The following ITGB3BP variants were observed in gnomAD, a reference collection of about 807,000 sequenced individuals.
The protein encoded by ITGB3BP is integrin subunit beta 3 binding protein, also known as centromere protein R.
In ITGB3BP, 27 loss-of-function variants were observed where a neutral mutation model predicts 29.1. That is an observed-to-expected ratio of 0.93 (90% confidence interval 0.68 to 1.28). The LOEUF (loss-of-function observed/expected upper bound fraction) is 1.28. Ranked by LOEUF, ITGB3BP falls within the 50% of genes most tolerant of loss-of-function variation. ITGB3BP has a pLI of 0.00. For missense variants in ITGB3BP, 192 were observed against 200.2 expected, an observed-to-expected ratio of 0.96 and a Z score of 0.25; for synonymous variants, 61 against 61.4, an observed-to-expected ratio of 0.99 and a Z score of 0.03.
chr1:63,460,569 T>A (rs910635523), intron 4 of ITGB3BP, among the ~76,000 whole-genome samples: 1 of 152,232 alleles, frequency 6.6e-6, no homozygotes, highest in African/African-American at 2.4e-5. Flanking sequence ...GGTTGTTTCC[T>A]GTCTTTTGGT....
Position 63,454,013 on chromosome 1 carries a change from G to C in ITGB3BP, c.428-39C>G. Reference sequence around the variant, plus strand: ...AAATCCCATGTCAAGAATTAACATAGAATATGGATAATTTCTCAATACTTG... The same window carrying C: ...AAATCCCATGTCAAGAATTAACATACAATATGGATAATTTCTCAATACTTG... On this transcript the variant is annotated intron_variant, in intron 6 of 8. Transcript: ENST00000271002. This position sits in a 1 kb window ranked among gnomAD's most constrained non-coding sequence, Gnocchi z 4.1. The C allele has an allele frequency of 8.6e-7, 1 of 1,165,912 alleles. No individual in the cohort carries two copies. Among genetic ancestry groups the C allele is most frequent in the Non-Finnish European group, 1.3e-6 (1 of 794,400 alleles). The allele number at this position is 1,165,912 out of a possible 1,614,324, so 72.2% of individuals were successfully genotyped here.
At chr1:63,478,891 A>C in intron 3 of ITGB3BP, 58 bp from the exon 4 acceptor site, 1 of 627,892 alleles carries the variant, frequency 1.6e-6, no homozygotes, top group Non-Finnish European at 2.6e-6. Flanking sequence ...ATCAAATTTT[A>C]AATAGAATTT....
chr1:63,462,142 CTTTAA>C (rs1235578646), intron 4 of ITGB3BP, among the ~76,000 whole-genome samples: 2 of 152,150 alleles, frequency 1.3e-5, no homozygotes, highest in African/African-American at 4.8e-5. Context: ...TTTAGATCTT[CTTTAA>C]TTTCTTTCAA....
chr1:63,526,769 A>AT (rs952440207), upstream of ITGB3BP, among the ~76,000 whole-genome samples: 135 of 147,534 alleles, frequency 9.2e-4, no homozygotes, highest in South Asian at 4.9e-3. Context: ...CATCCAATAA[A>AT]TTTTTTTTTT....
chr1:63,463,733 C>T (rs1645056452), intron 4 of ITGB3BP, among the ~76,000 whole-genome samples: 1 of 152,174 alleles, frequency 6.6e-6, no homozygotes, highest in African/African-American at 2.4e-5. Context: ...TAACGTGTAG[C>T]TGTTTTTTTA....
At chr1:63,506,249 A>T (rs1646077144) in intron 2 of ITGB3BP, among the ~76,000 whole-genome samples, 1 of 152,124 alleles carries the variant, frequency 6.6e-6, no homozygotes, top group Non-Finnish European at 1.5e-5. Context: ...TGTTGAATTG[A>T]TCCCTTTACC....
At chr1:63,475,854 C>T (rs762288728) in intron 4 of ITGB3BP, among the ~76,000 whole-genome samples, 2 of 151,766 alleles carry the variant, frequency 1.3e-5, no homozygotes, top group African/African-American at 4.8e-5. Flanking sequence ...AAAAATTAGC[C>T]GTGCATGGTA....
chr1:63,498,932 G>T (rs1645856311), intron 2 of ITGB3BP, among the ~76,000 whole-genome samples: 1 of 151,978 alleles, frequency 6.6e-6, no homozygotes, highest in African/African-American at 2.4e-5. Context: ...AGAAATAAAA[G>T]AAATCATAAA....
chr1:63,471,371 C>T (rs1645194125), intron 4 of ITGB3BP, among the ~76,000 whole-genome samples: 1 of 151,072 alleles, frequency 6.6e-6, no homozygotes, highest in African/African-American at 2.4e-5. Flanking sequence ...TCTGCCTCAG[C>T]CTCCCAAGTA....
rs554221595 is a variant in ITGB3BP at position 63,528,520 on chromosome 1, A to G, written n.254-550T>C. 1.3e-5 allele frequency among the ~76,000 whole-genome samples: 2 copies of G among 152,188 alleles called. 1 individual carries two copies. Among genetic ancestry groups the G allele is most frequent in the South Asian group, 4.1e-4 (2 of 4,834 alleles). On this transcript the variant is annotated intron_variant and non_coding_transcript_variant, in intron 2 of 4. Transcript: ENST00000478138. ...AGTATTTAGCTAGCACAACAGGGTG[A>G]CACTAGTAAAAAAAATCATTTAAGT...
intron 1 of ITGB3BP, chr1:63,510,084 CAAGG>C (rs1379639293): frequency 3.6e-5 from 22 of 614,692 alleles, no homozygotes; most frequent in Non-Finnish European, 3.0e-6. Context: ...CAACTACTCC[CAAGG>C]CTGAGGCAGG....
chr1:63,493,365 A>T (rs957013164), intron 2 of ITGB3BP, among the ~76,000 whole-genome samples: 2 of 152,154 alleles, frequency 1.3e-5, no homozygotes, highest in African/African-American at 4.8e-5. Flanking sequence ...CAGTGAGCCA[A>T]GATCACGCCA....
chr1:63,514,017 G>A (rs1646257380), intron 1 of ITGB3BP, among the ~76,000 whole-genome samples: 1 of 152,152 alleles, frequency 6.6e-6, no homozygotes, highest in African/African-American at 2.4e-5. Flanking sequence ...ATCATATGAG[G>A]AGGGTACCTC....
Position 63,442,399 on chromosome 1 carries a change from C to T in ITGB3BP, c.*2-1296G>A, listed in dbSNP as rs557341027. ...GTGGACCTTTTTTATTATAATACTTCCTAATTTCATGTAGTAGGGAGACCA... is the reference window on the plus strand; with the variant it reads ...GTGGACCTTTTTTATTATAATACTTTCTAATTTCATGTAGTAGGGAGACCA... On this transcript the variant is annotated intron_variant, in intron 8 of 8. Transcript: ENST00000271002. 317 of 152,222 alleles carry T rather than the reference C, an allele frequency of 2.1e-3. 1 individual carries two copies. The highest frequency in any genetic ancestry group is 3.5e-3 in the Non-Finnish European group (239 of 67,998). 9.4% of individuals were successfully genotyped at this position (152,222 alleles called of 1,614,324 possible).
chr1:63,472,596 G>T (rs1337987306), intron 4 of ITGB3BP, among the ~76,000 whole-genome samples: 20 of 150,354 alleles, frequency 1.3e-4, no homozygotes, highest in African/African-American at 4.9e-4. Flanking sequence ...TCAGCCTGCC[G>T]AGTGCCTGCG....
At chr1:63,482,270 C>CA (rs376500389) in intron 3 of ITGB3BP, among the ~76,000 whole-genome samples, 6,041 of 59,244 alleles carry the variant, frequency 0.1, 858 homozygotes, top group African/African-American at 0.24. Flanking sequence ...GACTCCATCT[C>CA]AAAAAAAAAA....
At chr1:63,475,855 GT>G (rs979053545) in intron 4 of ITGB3BP, among the ~76,000 whole-genome samples, 1 of 151,732 alleles carries the variant, frequency 6.6e-6, no homozygotes, top group African/African-American at 2.4e-5. Context: ...AAAATTAGCC[GT>G]GCATGGTAGC....
intron 4 of ITGB3BP, 48 bp downstream of exon 4, chr1:63,478,716 G>A (rs753625009): frequency 9.2e-6 from 8 of 869,108 alleles, no homozygotes; most frequent in African/African-American, 1.8e-5. Flanking sequence ...AAATATGAAC[G>A]TCTTTCTGCA....
chr1:63,512,735 AT>A (rs1646227853), intron 1 of ITGB3BP, among the ~76,000 whole-genome samples: 1 of 152,142 alleles, frequency 6.6e-6, no homozygotes, highest in Non-Finnish European at 1.5e-5. Context: ...ATCACTGAGT[AT>A]TTCAGTGCTT....
Sources: gnomAD v4.1 joint callset for allele counts (sites outside exome capture counted in the v4.1 genomes callset) on GRCh38, gnomAD v4.1.1 for gene constraint, Gnocchi (gnomAD v3.1) non-coding constraint, MANE v1.5 for transcripts, NCBI Gene and HGNC (gene_info 2026-07-23, HGNC 2026-07-21) for gene names.